The following RSPH3 variants were observed in gnomAD, a reference collection of about 807,000 sequenced individuals.
RSPH3 encodes the protein radial spoke head 3, also known as radial spoke head protein 3 homolog.
Under a neutral mutation model 43.8 loss-of-function variants are expected in RSPH3, and 21 were observed. The ratio of observed to expected loss-of-function variants is 0.48; its 90% CI spans 0.34 to 0.69. The LOEUF (loss-of-function observed/expected upper bound fraction) is 0.69. RSPH3 is among the 30% of genes least tolerant of loss of function. RSPH3 has a pLI of 0.01. For missense variants in RSPH3, 487 were observed against 516.0 expected (o/e 0.94, Z 0.54); for synonymous variants, 173 against 179.8 (o/e 0.96, Z 0.30).
At position 158,999,809 on chromosome 6, in the gene RSPH3, T is replaced by A. The variant is rs1448244436; in HGVS notation, c.-259A>T. 2 of 1,613,534 alleles carry A rather than the reference T, an allele frequency of 1.2e-6. No homozygotes were observed. The highest frequency in any genetic ancestry group is 1.7e-6 in the Non-Finnish European group (2 of 1,179,766). ...TTGCCCAGCAACCCAGGGTTCTGTC[T>A]GGGGGCGGGAACTCCGGGCAGTTCC... On this transcript the variant is annotated 5_prime_UTR_variant, in exon 1 of 8. Transcript: ENST00000367069.
At chr6:158,965,569 TA>T in the RSPH3 span, among the ~76,000 whole-genome samples, 1 of 152,156 alleles carries the variant, frequency 6.6e-6, no homozygotes, top group Non-Finnish European at 1.5e-5. Context: ...ATTGTTTTCT[TA>T]ATTTCCTTTC....
rs1554291758 is a variant in RSPH3, at chr6:158,999,946, G to A, written c.-396C>T. On this transcript the variant is annotated 5_prime_UTR_variant, in exon 1 of 8. Coordinates refer to ENST00000367069, the MANE Select transcript of RSPH3 (RefSeq NM_031924.8). Reference sequence around the variant, plus strand: ...CTGCGCTTTGCGAGGTTCCTGGCTAGGGAGGCGGCCTTGGCTGGCTTGACC... The same window carrying A: ...CTGCGCTTTGCGAGGTTCCTGGCTAAGGAGGCGGCCTTGGCTGGCTTGACC... 6.2e-7 allele frequency: 1 copy of A among 1,607,326 alleles called. No homozygotes were observed. Among genetic ancestry groups the A allele is most frequent in the African/African-American group, 1.3e-5 (1 of 74,988 alleles).
At chr6:158,999,357 C>A in intron 1 of RSPH3, 78 bp downstream of exon 1, 2 of 1,350,492 alleles carry the variant, frequency 1.5e-6, no homozygotes, top group Non-Finnish European at 2.0e-6. Context: ...AGCTTTTTTG[C>A]CAGGGCGAAG....
At chr6:158,987,895 C>T (rs1441611373) in intron 2 of RSPH3, among the ~76,000 whole-genome samples, 2 of 152,126 alleles carry the variant, frequency 1.3e-5, no homozygotes, top group South Asian at 2.1e-4. Context: ...TATGAGTGGA[C>T]CGCATACCAC....
At chr6:158,991,244 T>C (rs2128609520) in intron 2 of RSPH3, among the ~76,000 whole-genome samples, 1 of 152,362 alleles carries the variant, frequency 6.6e-6, no homozygotes, top group South Asian at 2.1e-4. Flanking sequence ...ATGCAAGTTG[T>C]GACTGTCCTG....
In RSPH3 at chr6:158,977,483, C is replaced by CT; in HGVS notation, c.*54dup. 6.7e-7 allele frequency: 1 copy of CT among 1,487,916 alleles called. No individual in the cohort carries two copies. Among genetic ancestry groups the CT allele is most frequent in the Non-Finnish European group, 9.1e-7 (1 of 1,102,974 alleles). 92.2% of individuals were successfully genotyped at this position (1,487,916 alleles called of 1,614,324 possible). A position where few individuals can be genotyped will look rare whatever the true frequency, so the allele number is the denominator to read the frequency against. On this transcript the variant is annotated 3_prime_UTR_variant, in exon 8 of 8. Transcript: ENST00000367069. Reference sequence around the variant, plus strand: ...CCTGAGGGGACTCGCACATCATTACCTGATTGCTTGCTGACTTGGCTGTTG... The same window carrying CT: ...CCTGAGGGGACTCGCACATCATTACCTTGATTGCTTGCTGACTTGGCTGTTG...
the RSPH3 span, among the ~76,000 whole-genome samples, chr6:158,967,816 T>A: frequency 6.6e-6 from 1 of 152,234 alleles, no homozygotes; most frequent in Admixed American, 6.5e-5. Context: ...CTTTTTATCA[T>A]AAAATACATT....
chr6:158,971,442 G>T (rs1462383106), downstream of RSPH3, among the ~76,000 whole-genome samples: 1 of 152,090 alleles, frequency 6.6e-6, no homozygotes, highest in Non-Finnish European at 1.5e-5. Flanking sequence ...GAGGTGCTTT[G>T]TCCATACACA....
In RSPH3 at chr6:158,977,466, G is replaced by T; in HGVS notation, c.*72C>A. 7.7e-7 allele frequency: 1 copy of T among 1,296,390 alleles called. No individual in the cohort carries two copies. Among genetic ancestry groups the T allele is most frequent in the South Asian group, 1.4e-5 (1 of 71,564 alleles). The allele number at this position is 1,296,390 out of a possible 1,614,324, so 80.3% of individuals were successfully genotyped here. A position where few individuals can be genotyped will look rare whatever the true frequency, so the allele number is the denominator to read the frequency against. On this transcript the variant is annotated 3_prime_UTR_variant, in exon 8 of 8. Transcript: ENST00000367069. ...CAACATAATTTCTATAACCTGAGGG[G>T]ACTCGCACATCATTACCTGATTGCT...
Position 158,999,715 on chromosome 6 carries a change from C to A in RSPH3, c.-165G>T. The A allele has an allele frequency of 1.2e-6, 2 of 1,613,640 alleles. No homozygotes were observed. The highest frequency in any genetic ancestry group is 1.3e-5 in the African/African-American group (1 of 75,022). On this transcript the variant is annotated 5_prime_UTR_variant, in exon 1 of 8. Transcript: ENST00000367069. ...GGCGGGCGGGACGGGAGGTTACCAG[C>A]GCAGGAGGTGGGAGCTATACTGGGC...
downstream of RSPH3, among the ~76,000 whole-genome samples, chr6:158,972,621 G>A (rs1777709289): frequency 6.6e-6 from 1 of 152,092 alleles, no homozygotes; most frequent in Non-Finnish European, 1.5e-5. Context: ...AACATACAAT[G>A]ATCACAAAAA....
In RSPH3 at chr6:159,000,061, G is replaced by T. The variant is rs866399970; in HGVS notation, c.-511C>A. On this transcript the variant is annotated 5_prime_UTR_variant, in exon 1 of 8. Coordinates refer to ENST00000367069, the MANE Select transcript of RSPH3 (RefSeq NM_031924.8). The stretch of plus-strand genomic sequence containing the variant: ...CAGGGCTGGTGTTGGCGCCATTCTC[G>T]CAGGCCCACGTGCTCCTGCTCTTCC... 6 of 1,341,906 alleles carry T rather than the reference G, an allele frequency of 4.5e-6. No homozygotes were observed. The highest frequency in any genetic ancestry group is 5.3e-5 in the Admixed American group (2 of 37,556). 83.1% of individuals were successfully genotyped at this position (1,341,906 alleles called of 1,614,324 possible).
intron 2 of RSPH3, among the ~76,000 whole-genome samples, chr6:158,992,688 C>A (rs950170578): frequency 2.0e-5 from 3 of 152,084 alleles, no homozygotes; most frequent in Non-Finnish European, 4.4e-5. Flanking sequence ...TTTATTGGGA[C>A]GTAACCTCAT....
intron 2 of RSPH3, among the ~76,000 whole-genome samples, chr6:158,992,149 C>G (rs3127180): frequency 6.6e-6 from 1 of 150,508 alleles, no homozygotes; most frequent in African/African-American, 2.5e-5. Flanking sequence ...AACATTCTCT[C>G]TAACGTGGAT....
the RSPH3 span, among the ~76,000 whole-genome samples, chr6:158,967,664 A>G: frequency 2.0e-5 from 3 of 152,158 alleles, no homozygotes; most frequent in African/African-American, 7.2e-5. Flanking sequence ...TCTATCCATT[A>G]TTGAAAGTGG....
rs897508783 is a variant in RSPH3, at chr6:158,976,465, A to C, written c.*1073T>G. 1.3e-5 allele frequency: 2 copies of C among 152,228 alleles called. No individual in the cohort carries two copies. Among genetic ancestry groups the C allele is most frequent in the Admixed American group, 1.3e-4 (2 of 15,284 alleles). The allele number at this position is 152,228 out of a possible 1,614,324, so 9.4% of individuals were successfully genotyped here. A position where few individuals can be genotyped will look rare whatever the true frequency, so the allele number is the denominator to read the frequency against. On this transcript the variant is annotated 3_prime_UTR_variant, in exon 8 of 8. Coordinates refer to ENST00000367069, the MANE Select transcript of RSPH3 (RefSeq NM_031924.8). ...AGATCTAAGACATTCTCTTAAGTGAAAAATAAAATATGTAAATAATGTTTA... is the reference window on the plus strand; with the variant it reads ...AGATCTAAGACATTCTCTTAAGTGACAAATAAAATATGTAAATAATGTTTA...
downstream of RSPH3, among the ~76,000 whole-genome samples, chr6:158,971,519 G>C (rs1777694009): frequency 6.6e-6 from 1 of 152,058 alleles, no homozygotes; most frequent in South Asian, 2.1e-4. Flanking sequence ...CTCAATTTTT[G>C]CTCCAGACTG....
At position 158,982,639 on chromosome 6, in the gene RSPH3, C is replaced by T. The variant is rs2128606681; in HGVS notation, c.542G>A (p.Gly181Glu). Residue 181 changes from glycine to glutamate, a missense_variant, in exon 5 of 8, where the codon GGG (glycine) becomes GAG (glutamate). Coordinates refer to ENST00000367069, the MANE Select transcript of RSPH3 (RefSeq NM_031924.8). ...EVKPVLEVLV[G>E]KTIEQSLLEV... Reference sequence around the variant, plus strand: ...CAGAAGAGACTGCTCAATTGTCTTCCCCACCAAAACTTCTAACACTGGTTT... The same window carrying T: ...CAGAAGAGACTGCTCAATTGTCTTCTCCACCAAAACTTCTAACACTGGTTT... 1 of 1,613,712 alleles carries T rather than the reference C, an allele frequency of 6.2e-7. No homozygotes were observed. The highest frequency in any genetic ancestry group is 8.5e-7 in the Non-Finnish European group (1 of 1,179,880).
intron 2 of RSPH3, among the ~76,000 whole-genome samples, chr6:158,992,538 C>T (rs1778450963): frequency 6.6e-6 from 1 of 150,668 alleles, no homozygotes; most frequent in Non-Finnish European, 1.5e-5. Context: ...AAGTGATCTG[C>T]CCACCTTGGC....
Sources: allele counts gnomAD v4.1 joint callset (sites outside exome capture counted in the v4.1 genomes callset), GRCh38; gene constraint gnomAD v4.1.1; transcripts MANE v1.5; gene names NCBI Gene and HGNC (gene_info 2026-07-23, HGNC 2026-07-21).